NRXN3: variants seen among roughly 807,000 people sequenced by gnomAD.
NRXN3 encodes neurexin 3, also known as neurexin III.
A neutral mutation model predicts 137.6 loss-of-function variants in NRXN3; 32 were observed. That is an observed-to-expected ratio of 0.23 (90% CI 0.18 to 0.31). The LOEUF is 0.31. Among genes scored for constraint, NRXN3 ranks in the 10% least tolerant of loss-of-function variants. The pLI, the probability that NRXN3 is intolerant of heterozygous loss-of-function variation, is 1.00. For synonymous variants in NRXN3, 798 were observed against 784.5 expected (o/e 1.02, Z -0.29); for missense variants, 1,574 against 2,062.5 (o/e 0.76, Z 4.59).
chr14:78,569,546 T>G (rs1289070328), intron 4 of NRXN3, among the ~76,000 whole-genome samples: 2 of 148,492 alleles, frequency 1.3e-5, no homozygotes, highest in Non-Finnish European at 3.0e-5. Context: ...ATTACAGGGG[T>G]GAGCCACCGC....
chr14:78,323,245 T>C (rs1373858894), intron 4 of NRXN3, among the ~76,000 whole-genome samples: 1 of 152,016 alleles, frequency 6.6e-6, no homozygotes, highest in Non-Finnish European at 1.5e-5. Flanking sequence ...TACCGTGGTA[T>C]GGGCTACAGA....
At chr14:79,462,952 A>C (rs1031820713) in intron 15 of NRXN3, among the ~76,000 whole-genome samples, 3 of 152,000 alleles carry the variant, frequency 2.0e-5, no homozygotes, top group Non-Finnish European at 2.9e-5. Flanking sequence ...TCTAAAGTGA[A>C]TCTTAAGACA....
At chr14:78,399,344 A>G (rs2091824486) in intron 4 of NRXN3, among the ~76,000 whole-genome samples, 1 of 152,220 alleles carries the variant, frequency 6.6e-6, no homozygotes, top group African/African-American at 2.4e-5. Flanking sequence ...ACTTAATAGA[A>G]GGAATAGAAA....
At chr14:79,127,001 T>C (rs1261942683) in intron 15 of NRXN3, among the ~76,000 whole-genome samples, 5 of 152,188 alleles carry the variant, frequency 3.3e-5, no homozygotes, top group Non-Finnish European at 7.3e-5. Context: ...TCATGTCCTT[T>C]GCCCACTTTT....
chr14:78,451,720 G>A (rs1479102963), intron 4 of NRXN3, among the ~76,000 whole-genome samples: 1 of 152,180 alleles, frequency 6.6e-6, no homozygotes, highest in East Asian at 1.9e-4. Flanking sequence ...TCCTGCGTAG[G>A]CACGTAGAGG....
intron 4 of NRXN3, among the ~76,000 whole-genome samples, chr14:78,555,873 A>T (rs2096732601): frequency 6.6e-6 from 1 of 152,200 alleles, no homozygotes; most frequent in African/African-American, 2.4e-5. Context: ...AGGTTAAGTT[A>T]CCTCTTTATT....
At chr14:78,509,570 G>C (rs1347412542) in intron 4 of NRXN3, among the ~76,000 whole-genome samples, 1 of 152,098 alleles carries the variant, frequency 6.6e-6, no homozygotes. Flanking sequence ...AAGTCAGGGA[G>C]AGGCTCCTGT....
intron 4 of NRXN3, among the ~76,000 whole-genome samples, chr14:78,570,436 A>G (rs1418241462): frequency 6.6e-6 from 1 of 152,230 alleles, no homozygotes; most frequent in Non-Finnish European, 1.5e-5. Flanking sequence ...CAGATGGAGT[A>G]AGCCAACCTG....
chr14:78,457,024 T>C, intron 4 of NRXN3, among the ~76,000 whole-genome samples: 1 of 139,182 alleles, frequency 7.2e-6, no homozygotes, highest in Non-Finnish European at 1.5e-5. Flanking sequence ...TCATCTCCCT[T>C]CCCTCCCCCA....
intron 2 of NRXN3, among the ~76,000 whole-genome samples, chr14:78,254,230 G>T (rs904448092): frequency 6.6e-6 from 1 of 152,194 alleles, no homozygotes; most frequent in African/African-American, 2.4e-5. Flanking sequence ...TGGGGAGCTT[G>T]CACTGTGAAA....
At chr14:79,718,309 A>T (rs931743112) in intron 19 of NRXN3, among the ~76,000 whole-genome samples, 1 of 152,184 alleles carries the variant, frequency 6.6e-6, no homozygotes, top group African/African-American at 2.4e-5. Flanking sequence ...AAGATGATGA[A>T]TATGGCTGTA....
chr14:78,808,683 C>T (rs1001227701), intron 9 of NRXN3, among the ~76,000 whole-genome samples: 3 of 152,124 alleles, frequency 2.0e-5, no homozygotes, highest in Non-Finnish European at 4.4e-5. Flanking sequence ...CCGCACGAAA[C>T]CAAACCCAGA....
At chr14:78,451,146 A>G (rs1293612744) in intron 4 of NRXN3, among the ~76,000 whole-genome samples, 1 of 152,122 alleles carries the variant, frequency 6.6e-6, no homozygotes, top group East Asian at 1.9e-4. Context: ...TGTGAGGTTG[A>G]GTAACTCAAG....
chr14:78,175,135 G>A (rs1238327375), intron 1 of NRXN3, among the ~76,000 whole-genome samples: 5 of 152,318 alleles, frequency 3.3e-5, no homozygotes, highest in Non-Finnish European at 5.9e-5. Flanking sequence ...AGCTGAAGGT[G>A]TGTCTCTCTT....
chr14:79,095,171 C>T (rs763211379), intron 15 of NRXN3, among the ~76,000 whole-genome samples: 59 of 152,092 alleles, frequency 3.9e-4, no homozygotes, highest in Middle Eastern at 3.2e-3. Flanking sequence ...GAGACAGCCA[C>T]TTTACTCCTG....
intron 1 of NRXN3, among the ~76,000 whole-genome samples, chr14:78,233,354 G>A (rs369886281): frequency 1.2e-4 from 18 of 152,034 alleles, no homozygotes; most frequent in African/African-American, 2.9e-4. Context: ...TTTCTCTTCC[G>A]CAGTTGCTTA....
rs528502246 is a variant in NRXN3, at chr14:79,508,390, AT to A, written c.3444+41004del. Among the ~76,000 whole-genome samples the A allele has an allele frequency of 9.1e-4, 44 of 48,226 alleles. 1 individual carries two copies. The highest frequency in any genetic ancestry group is 0.013 in the Middle Eastern group (1 of 80). The allele number at this position is 48,226 out of a possible 152,430, so 31.6% of individuals were successfully genotyped here. A position where few individuals can be genotyped will look rare whatever the true frequency, so the allele number is the denominator to read the frequency against. On this transcript the variant is annotated intron_variant, in intron 16 of 20. Transcript: ENST00000335750. ...AATTTTCTTTATAAAACAATAACTGATTTTTTTTTTTTTTTTAAGACAGAGT... is the reference window on the plus strand; with the variant it reads ...AATTTTCTTTATAAAACAATAACTGATTTTTTTTTTTTTTTAAGACAGAGT...
In NRXN3 at chr14:79,210,829, G is replaced by A. The variant is rs375176919; in HGVS notation, c.3262+222688G>A. 1.8e-4 allele frequency among the ~76,000 whole-genome samples: 28 copies of A among 152,208 alleles called. No homozygotes were observed. In the South Asian group the frequency reaches 2.1e-3, roughly 11 times the overall value. ...CACTTTGTTGCTGTAAAGTCTCTTCGTAGTATTTGGTGGGATTGTGCTATT... is the reference window on the plus strand; with the variant it reads ...CACTTTGTTGCTGTAAAGTCTCTTCATAGTATTTGGTGGGATTGTGCTATT... On this transcript the variant is annotated intron_variant, in intron 15 of 20. Coordinates refer to ENST00000335750, the MANE Select transcript of NRXN3 (RefSeq NM_001330195.2).
At chr14:78,247,723 A>G (rs905644198) in intron 2 of NRXN3, among the ~76,000 whole-genome samples, 1 of 152,218 alleles carries the variant, frequency 6.6e-6, no homozygotes, top group Non-Finnish European at 1.5e-5. Context: ...ATGAAGAGGT[A>G]TCCTCACTCC....
Sources: gnomAD v4.1 joint callset for allele counts (sites outside exome capture counted in the v4.1 genomes callset) on GRCh38, gnomAD v4.1.1 for gene constraint, MANE v1.5 for transcripts, NCBI Gene and HGNC (gene_info 2026-07-23, HGNC 2026-07-21) for gene names.